The following FBXO34 variants were observed in gnomAD, a reference collection of about 807,000 sequenced individuals.
FBXO34 encodes the protein F-box protein 34.
Under a neutral mutation model 24.5 loss-of-function variants are expected in FBXO34, and 12 were observed. That is an observed-to-expected ratio of 0.49 (90% CI 0.31 to 0.79). The LOEUF (loss-of-function observed/expected upper bound fraction) is 0.79. FBXO34 is among the 30% of genes least tolerant of loss of function. The probability of loss-of-function intolerance (pLI) is 0.04; values close to 1 mark genes in which losing one functional copy is unlikely to be tolerated. For missense variants in FBXO34, 823 were observed against 857.7 expected (o/e 0.96, Z 0.51); for synonymous variants, 320 against 311.9 (o/e 1.03, Z -0.27).
chr14:55,408,850 A>G, the FBXO34 span, among the ~76,000 whole-genome samples: 7 of 152,376 alleles, frequency 4.6e-5, no homozygotes, highest in African/African-American at 1.7e-4. Context: ...TCAAAAGCCC[A>G]CATTTTAAAC....
intron 1 of FBXO34, among the ~76,000 whole-genome samples, chr14:55,346,292 A>G (rs981552610): frequency 2.6e-5 from 4 of 152,224 alleles, no homozygotes. Context: ...TAGGTTTTCC[A>G]ATAACTGATG....
intron 1 of FBXO34, among the ~76,000 whole-genome samples, chr14:55,303,320 A>G (rs1882428542): frequency 6.6e-6 from 1 of 152,228 alleles, no homozygotes; most frequent in Admixed American, 6.5e-5. Flanking sequence ...TAAGTAATCT[A>G]ATCCTCATCA....
chr14:55,380,388 A>G, the FBXO34 span, among the ~76,000 whole-genome samples: 2 of 152,208 alleles, frequency 1.3e-5, no homozygotes, highest in Non-Finnish European at 2.9e-5. Flanking sequence ...CTTCACGTAC[A>G]ACTGTAAGAT....
the FBXO34 span, among the ~76,000 whole-genome samples, chr14:55,403,585 G>A: frequency 4.0e-5 from 6 of 151,790 alleles, no homozygotes; most frequent in Admixed American, 6.6e-5. Context: ...CTAACTTTGG[G>A]TTTTAAAAAG....
the FBXO34 span, among the ~76,000 whole-genome samples, chr14:55,394,287 G>A: frequency 6.6e-6 from 1 of 152,284 alleles, no homozygotes; most frequent in Non-Finnish European, 1.5e-5. Flanking sequence ...TTATAGGCAT[G>A]AGCCAACGTG....
At chr14:55,273,021 C>T (rs1881209832) in intron 1 of FBXO34, among the ~76,000 whole-genome samples, 1 of 152,170 alleles carries the variant, frequency 6.6e-6, no homozygotes. Flanking sequence ...TCCAGCATAT[C>T]AGTACTTTTC....
the FBXO34 span, among the ~76,000 whole-genome samples, chr14:55,412,713 TA>T: frequency 6.6e-6 from 1 of 152,206 alleles, no homozygotes; most frequent in Non-Finnish European, 1.5e-5. Flanking sequence ...TATCTACTGA[TA>T]AACTGCCCTG....
At chr14:55,377,747 C>T in the FBXO34 span, 1 of 1,155,442 alleles carries the variant, frequency 8.7e-7, no homozygotes, top group Non-Finnish European at 1.2e-6. Flanking sequence ...CACGACTCTA[C>T]TATGCCAACA....
downstream of FBXO34, chr14:55,369,381 G>A (rs1483400409): frequency 5.7e-6 from 2 of 352,940 alleles, no homozygotes; most frequent in African/African-American, 4.1e-5. Flanking sequence ...ACCAGCACTG[G>A]TCTGGGTAGA....
At chr14:55,288,792 T>A (rs577560337) in intron 1 of FBXO34, among the ~76,000 whole-genome samples, 10 of 152,306 alleles carry the variant, frequency 6.6e-5, no homozygotes, top group Admixed American at 1.3e-4. Context: ...GGCTCACGCC[T>A]GTAATACCAG....
chr14:55,283,131 T>G (rs1007861730), intron 1 of FBXO34, among the ~76,000 whole-genome samples: 1 of 152,246 alleles, frequency 6.6e-6, no homozygotes, highest in Non-Finnish European at 1.5e-5. Context: ...TTAGCTCATT[T>G]GTGGAACGAA....
chr14:55,285,727 C>A (rs1881739424), intron 1 of FBXO34, among the ~76,000 whole-genome samples: 1 of 152,204 alleles, frequency 6.6e-6, no homozygotes, highest in Non-Finnish European at 1.5e-5. Context: ...AGTTTTATTT[C>A]ATTAAAGGTC....
chr14:55,297,608 G>A (rs1882184885), intron 1 of FBXO34, among the ~76,000 whole-genome samples: 1 of 152,168 alleles, frequency 6.6e-6, no homozygotes, highest in Admixed American at 6.5e-5. Context: ...TGGAAATTTT[G>A]ATAGGATTAG....
At chr14:55,381,118 A>G in the FBXO34 span, among the ~76,000 whole-genome samples, 1 of 151,726 alleles carries the variant, frequency 6.6e-6, no homozygotes, top group African/African-American at 2.4e-5. Flanking sequence ...CATGGCACCC[A>G]CTCAATGTAC....
chr14:55,284,204 T>C lies in FBXO34; in HGVS notation c.-11+12667T>C, dbSNP rs192615698. On this transcript the variant is annotated intron_variant, in intron 1 of 1. Coordinates refer to ENST00000313833, the MANE Select transcript of FBXO34 (RefSeq NM_017943.4). ...TTTTAAGACTGTAGGGTATAAAATT[T>C]TTTTACACTTAAAAATTACAGTATA... Among the ~76,000 whole-genome samples, 318 of 152,140 alleles carry C rather than the reference T, an allele frequency of 2.1e-3. 3 individuals are homozygous for C. The highest frequency in any genetic ancestry group is 7.4e-3 in the African/African-American group (306 of 41,510).
the FBXO34 span, among the ~76,000 whole-genome samples, chr14:55,411,157 C>T: frequency 8.5e-5 from 13 of 152,196 alleles, no homozygotes; most frequent in Non-Finnish European, 1.8e-4. Flanking sequence ...GACTACCAGG[C>T]CCAAATCCCT....
At chr14:55,309,374 T>A (rs1050110265) in intron 1 of FBXO34, among the ~76,000 whole-genome samples, 1 of 152,204 alleles carries the variant, frequency 6.6e-6, no homozygotes, top group Non-Finnish European at 1.5e-5. Context: ...GGGCTATGAT[T>A]GTGTCACCTT....
At chr14:55,439,187 C>T in the FBXO34 span, among the ~76,000 whole-genome samples, 78,272 of 150,558 alleles carry the variant, frequency 0.52, 20,517 homozygotes, top group East Asian at 0.64. Context: ...GAGCCACGTG[C>T]CTCGGCCTCC....
intron 1 of FBXO34, among the ~76,000 whole-genome samples, chr14:55,279,023 G>A (rs1881439615): frequency 6.6e-6 from 1 of 152,106 alleles, no homozygotes; most frequent in South Asian, 2.1e-4. Context: ...AAGGCCGGGC[G>A]TGGTGGCTCA....
Sources: allele counts gnomAD v4.1 joint callset (sites outside exome capture counted in the v4.1 genomes callset), GRCh38; gene constraint gnomAD v4.1.1; transcripts MANE v1.5; gene names NCBI Gene and HGNC (gene_info 2026-07-23, HGNC 2026-07-21).